ALDH1L1: variants seen among roughly 807,000 people sequenced by gnomAD.
ALDH1L1 encodes the protein cytosolic 10-formyltetrahydrofolate dehydrogenase.
ALDH1L1 carries 68 observed loss-of-function variants against 101.1 expected under a neutral mutation model. The ratio of observed to expected loss-of-function variants is 0.67; its 90% CI spans 0.55 to 0.82. ALDH1L1 has a LOEUF of 0.82. ALDH1L1 is among the 40% of genes least tolerant of loss of function. The probability of loss-of-function intolerance (pLI) is 0.00; values close to 1 mark genes in which losing one functional copy is unlikely to be tolerated. For synonymous variants in ALDH1L1, 486 were observed against 470.8 expected, an observed-to-expected ratio of 1.03 and a Z score of -0.42; for missense variants, 1,087 against 1,172.7, an observed-to-expected ratio of 0.93 and a Z score of 1.07.
At chr3:126,126,689 G>C (rs960816974) in intron 14 of ALDH1L1, among the ~76,000 whole-genome samples, 2 of 152,146 alleles carry the variant, frequency 1.3e-5, no homozygotes, top group African/African-American at 4.8e-5. Context: ...AGGGGAGCTC[G>C]GAAAAGAAAA....
At chr3:126,130,055 A>G in intron 14 of ALDH1L1, 168 bp downstream of exon 14, 1 of 558,786 alleles carries the variant, frequency 1.8e-6, no homozygotes, top group African/African-American at 1.9e-5. Flanking sequence ...ATTGTCCTCA[A>G]GTCCTTACAA....
intron 9 of ALDH1L1, among the ~76,000 whole-genome samples, chr3:126,143,427 A>G (rs2080608198): frequency 6.6e-6 from 1 of 152,174 alleles, no homozygotes; most frequent in Admixed American, 6.5e-5. Flanking sequence ...CATTCTATCA[A>G]ATGGCTCTCA....
chr3:126,155,733 A>G (rs2080891657), intron 4 of ALDH1L1: 1 of 460,262 alleles, frequency 2.2e-6, no homozygotes, highest in African/African-American at 2.0e-5. Context: ...TTTAGATTAC[A>G]TAGATCTTAC....
At position 126,157,385 on chromosome 3, in the gene ALDH1L1, C is replaced by T. The variant is rs191961724; in HGVS notation, c.486G>A (p.Thr162=). The change falls in exon 4 of 23, where the codon ACG becomes ACA. Residue 162 remains threonine, a synonymous_variant. Coordinates refer to ENST00000393434, the MANE Select transcript of ALDH1L1 (RefSeq NM_012190.4). ...CAGGGAAGAGGAAGCGGTTGTACAG[C>T]GTGCTCACGGTGTCGTCCGGGAGCA... ...CEVLPDDTVS[T]LYNRFLFPEG... is the part of the protein sequence containing the mutation. 287 of 1,614,060 alleles carry T rather than the reference C, an allele frequency of 1.8e-4. No homozygotes were observed. In the East Asian group the frequency reaches 5.3e-3, roughly 30 times the overall value.
chr3:126,164,438 A>G (rs368726467), intron 1 of ALDH1L1, among the ~76,000 whole-genome samples: 7 of 152,150 alleles, frequency 4.6e-5, no homozygotes, highest in African/African-American at 7.2e-5. Context: ...TGTGTGCTCA[A>G]TGTTGAGCTC....
In ALDH1L1 at chr3:126,130,325, G is replaced by A. The variant is rs147602698; in HGVS notation, c.1624-32C>T. On this transcript the variant is annotated intron_variant, in intron 13 of 22. Coordinates refer to ENST00000393434, the MANE Select transcript of ALDH1L1 (RefSeq NM_012190.4). ...GAGGAACAGGGGCAGTCACCCAGGG[G>A]CCCAGGGTCCACACCCCTTCCCCTC... The A allele has an allele frequency of 7.5e-5, 118 of 1,576,146 alleles. No individual in the cohort carries two copies. In the African/African-American group the frequency reaches 1.4e-3, roughly 18 times the overall value.
In ALDH1L1 at chr3:126,109,969, G is replaced by A. The variant is rs764165796; in HGVS notation, c.2322C>T (p.Cys774=). 2.5e-5 allele frequency: 41 copies of A among 1,613,956 alleles called. No individual in the cohort carries two copies. The highest frequency in any genetic ancestry group is 2.5e-4 in the East Asian group (11 of 44,894). The part of the protein sequence containing the change: ...HGVKEGATLV[C]GGNQVPRPGF... ...CTGGCCGAGGGACCTGATTCCCGCC[G>A]CAGACCAGTGTGGCCCCTTCCTTCA... is the stretch of plus-strand genomic sequence containing the variant. Residue 774 remains cysteine (C), a synonymous_variant, in exon 20 of 23, where the codon TGC becomes TGT. Coordinates refer to ENST00000393434, the MANE Select transcript of ALDH1L1 (RefSeq NM_012190.4).
At chr3:126,112,641 C>A in intron 19 of ALDH1L1, 141 bp downstream of exon 19, 1 of 727,116 alleles carries the variant, frequency 1.4e-6, no homozygotes, top group Non-Finnish European at 2.3e-6. Flanking sequence ...GCTGTGGGTT[C>A]CCTGACCCCC....
Position 126,144,389 on chromosome 3 carries a change from T to C in ALDH1L1, c.1076+2446A>G, listed in dbSNP as rs535248743. 7.6e-4 allele frequency among the ~76,000 whole-genome samples: 116 copies of C among 152,350 alleles called. No individual in the cohort carries two copies. The Middle Eastern group carries it at 0.01, about 13-fold the overall frequency. ...AAAATCATATGGACTATCAAGGGACTGTGAATAGTTCAAACAATCCTGAAA... is the reference window on the plus strand; with the variant it reads ...AAAATCATATGGACTATCAAGGGACCGTGAATAGTTCAAACAATCCTGAAA... On this transcript the variant is annotated intron_variant, in intron 9 of 22. Transcript: ENST00000393434.
intron 16 of ALDH1L1, among the ~76,000 whole-genome samples, chr3:126,119,188 G>A (rs2080032434): frequency 6.6e-6 from 1 of 152,042 alleles, no homozygotes; most frequent in East Asian, 1.9e-4. Flanking sequence ...TGATCTCACA[G>A]GCTTCCAAGG....
intron 16 of ALDH1L1, among the ~76,000 whole-genome samples, chr3:126,124,110 G>GACACACACACAC (rs3841921): frequency 4.0e-4 from 59 of 148,894 alleles, no homozygotes; most frequent in African/African-American, 1.4e-3. Context: ...AGGGCGCGCG[G>GACACACACACAC]ACACACACAC....
intron 9 of ALDH1L1, among the ~76,000 whole-genome samples, chr3:126,142,596 TG>T (rs1277890179): frequency 1.3e-5 from 2 of 152,292 alleles, no homozygotes; most frequent in Admixed American, 1.3e-4. Context: ...GAAAAACACA[TG>T]GTCATCTCAT....
intron 20 of ALDH1L1, among the ~76,000 whole-genome samples, chr3:126,107,540 C>A (rs1440537259): frequency 2.6e-5 from 4 of 152,250 alleles, no homozygotes; most frequent in Non-Finnish European, 5.9e-5. Flanking sequence ...ATCCTAGTGC[C>A]AGAACCCATG....
chr3:126,168,811 A>T (rs2081219264), intron 1 of ALDH1L1, among the ~76,000 whole-genome samples: 1 of 152,176 alleles, frequency 6.6e-6, no homozygotes, highest in African/African-American at 2.4e-5. Flanking sequence ...ACTGTATGGG[A>T]TGTCTAAGGT....
At position 126,135,645 on chromosome 3, in the gene ALDH1L1, G is replaced by T; in HGVS notation, c.1362C>A (p.Ser454=). The T allele has an allele frequency of 1.3e-6, 2 of 1,570,108 alleles. No homozygotes were observed. The highest frequency in any genetic ancestry group is 8.6e-7 in the Non-Finnish European group (1 of 1,157,182). The change falls in exon 12 of 23, where the codon TCC becomes TCA. Residue 454 remains serine, a synonymous_variant. Transcript: ENST00000393434. ...TGTCGACGTCGGTGACTTGGGCCAG[G>T]GATACCTGGCAGATGACCTATAGTG... The part of the protein sequence containing the change: ...PTDGSVICQV[S]LAQVTDVDKA...
intron 8 of ALDH1L1, among the ~76,000 whole-genome samples, chr3:126,147,231 G>T (rs1216938633): frequency 6.6e-6 from 1 of 152,178 alleles, no homozygotes; most frequent in Non-Finnish European, 1.5e-5. Context: ...GGACAGATGT[G>T]CCAGGCCTCT....
At chr3:126,123,288 C>T (rs971249729) in intron 16 of ALDH1L1, among the ~76,000 whole-genome samples, 10 of 149,396 alleles carry the variant, frequency 6.7e-5, no homozygotes, top group Non-Finnish European at 1.2e-4. Flanking sequence ...GACAGAGTCT[C>T]GCTCTGTTAC....
chr3:126,181,013 A>G, upstream of ALDH1L1: 5 of 1,603,696 alleles, frequency 3.1e-6, no homozygotes, highest in Non-Finnish European at 4.2e-6. Flanking sequence ...GCCCTCCGGG[A>G]ATTTGCAGCC....
At position 126,157,485 on chromosome 3, in the gene ALDH1L1, T is replaced by C; in HGVS notation, c.386A>G (p.Lys129Arg). The change falls in exon 4 of 23, where the codon AAA (lysine) becomes AGA (arginine). Residue 129 changes from lysine to arginine, a missense_variant. By Grantham distance (26) the Lys-to-Arg change is conservative. This residue lies in a region of ALDH1L1 where 645 missense variants were observed against 637.0 expected (regional missense o/e 1.01). Coordinates refer to ENST00000393434, the MANE Select transcript of ALDH1L1 (RefSeq NM_012190.4). Reference protein sequence around the residue: ...INWTLIHGDKKGGFSIFWADD... With the variant: ...INWTLIHGDKRGGFSIFWADD... ...CGCCCAGAAGATGGAAAACCCCCCT[T>C]TCTTATCTCCGTGAATGAGGGTCCT... The C allele has an allele frequency of 6.2e-7, 1 of 1,613,914 alleles. No homozygotes were observed. The highest frequency in any genetic ancestry group is 2.2e-5 in the East Asian group (1 of 44,852).
Sources: gnomAD v4.1 joint callset for allele counts (sites outside exome capture counted in the v4.1 genomes callset) on GRCh38, gnomAD v4.1.1 for gene constraint, gnomAD v4.1.1 regional missense constraint, MANE v1.5 for transcripts, NCBI Gene and HGNC (gene_info 2026-07-23, HGNC 2026-07-21) for gene names.